The following SAMMSON variants were observed in gnomAD, a reference collection of about 807,000 sequenced individuals.
SAMMSON encodes the protein long intergenic non-protein coding RNA 1212.
At chr3:70,006,548 A>T (rs1298732304) in intron 1 of SAMMSON, among the ~76,000 whole-genome samples, 1 of 152,136 alleles carries the variant, frequency 6.6e-6, no homozygotes, top group Non-Finnish European at 1.5e-5. Context: ...AGTCCATGTG[A>T]TTTCTACCAC....
chr3:70,098,730 A>G (rs1306891812), intron 4 of SAMMSON, among the ~76,000 whole-genome samples: 2 of 152,208 alleles, frequency 1.3e-5, no homozygotes, highest in African/African-American at 2.4e-5. Flanking sequence ...AAAGGATAGT[A>G]CAATGTATTC....
At chr3:70,245,238 C>T (rs948800787) in intron 4 of SAMMSON, among the ~76,000 whole-genome samples, 1 of 151,816 alleles carries the variant, frequency 6.6e-6, no homozygotes, top group Admixed American at 6.6e-5. Flanking sequence ...AAAATTATTT[C>T]AAAAGAAGAT....
chr3:70,378,459 G>A (rs1166212641), intron 9 of SAMMSON, among the ~76,000 whole-genome samples: 2 of 152,026 alleles, frequency 1.3e-5, no homozygotes, highest in African/African-American at 4.8e-5. Flanking sequence ...AGAAGGATGA[G>A]GAAGGGTAAA....
At chr3:70,140,355 A>T (rs1295187066) in intron 4 of SAMMSON, 2 of 216,546 alleles carry the variant, frequency 9.2e-6, no homozygotes, top group Non-Finnish European at 2.0e-5. Context: ...TGTAAAGGCC[A>T]GGAGTGGCTA....
intron 4 of SAMMSON, among the ~76,000 whole-genome samples, chr3:70,153,757 A>G (rs1286917036): frequency 3.3e-5 from 5 of 151,982 alleles, no homozygotes; most frequent in African/African-American, 9.7e-5. Context: ...GTGGCATTCA[A>G]TGCATTCACA....
At chr3:70,381,818 A>G (rs904677922) in intron 9 of SAMMSON, among the ~76,000 whole-genome samples, 4 of 150,322 alleles carry the variant, frequency 2.7e-5, no homozygotes, top group African/African-American at 9.7e-5. Context: ...AACAGACAGG[A>G]AAAAAAGGAG....
At chr3:70,308,321 T>C (rs1005974001) in intron 7 of SAMMSON, among the ~76,000 whole-genome samples, 5 of 152,078 alleles carry the variant, frequency 3.3e-5, no homozygotes, top group African/African-American at 1.2e-4. Flanking sequence ...TCTCCAAAAG[T>C]GCTGAGATTA....
chr3:70,287,840 T>C (rs1346552490), intron 6 of SAMMSON, among the ~76,000 whole-genome samples: 3 of 151,678 alleles, frequency 2.0e-5, no homozygotes, highest in Non-Finnish European at 4.4e-5. Context: ...TCTAGTTTAT[T>C]TGCGTAGAGG....
chr3:70,330,946 G>A (rs1031244970), intron 7 of SAMMSON, among the ~76,000 whole-genome samples: 3 of 152,000 alleles, frequency 2.0e-5, no homozygotes, highest in African/African-American at 7.2e-5. Flanking sequence ...GAAAGGAGAA[G>A]GCAATTACTT....
intron 6 of SAMMSON, among the ~76,000 whole-genome samples, chr3:70,290,659 C>T (rs1702227230): frequency 6.6e-6 from 1 of 152,190 alleles, no homozygotes; most frequent in African/African-American, 2.4e-5. Context: ...CTCCCCTAGC[C>T]TCGCTGCCGC....
intron 4 of SAMMSON, among the ~76,000 whole-genome samples, chr3:70,156,286 T>C (rs2067591564): frequency 6.6e-6 from 1 of 152,092 alleles, no homozygotes; most frequent in South Asian, 2.1e-4. Flanking sequence ...TGAATTTTGA[T>C]CCCAAATCAC....
At chr3:70,192,072 A>G (rs555381974) in intron 4 of SAMMSON, among the ~76,000 whole-genome samples, 1 of 152,116 alleles carries the variant, frequency 6.6e-6, no homozygotes, top group Non-Finnish European at 1.5e-5. Context: ...ACTATATACT[A>G]AGAGTGTAAG....
At chr3:70,075,239 T>C (rs1223221864) in intron 4 of SAMMSON, 1 of 152,126 alleles carries the variant, frequency 6.6e-6, no homozygotes, top group African/African-American at 2.4e-5. Flanking sequence ...TAAAGAATCT[T>C]GCTTTTCTCA....
At chr3:70,116,177 T>C (rs1263804182) in intron 4 of SAMMSON, among the ~76,000 whole-genome samples, 1 of 151,934 alleles carries the variant, frequency 6.6e-6, no homozygotes, top group African/African-American at 2.4e-5. Flanking sequence ...AGCAGGGAGA[T>C]ATAAAGAATC....
At chr3:70,280,297 C>A (rs187183043) in intron 6 of SAMMSON, among the ~76,000 whole-genome samples, 1 of 152,116 alleles carries the variant, frequency 6.6e-6, no homozygotes, top group Non-Finnish European at 1.5e-5. Context: ...AATCTCTCCA[C>A]GTCAGGATCC....
chr3:70,224,164 A>G (rs1206116271), intron 4 of SAMMSON, among the ~76,000 whole-genome samples: 1 of 152,108 alleles, frequency 6.6e-6, no homozygotes, highest in African/African-American at 2.4e-5. Context: ...ATGAAACTGG[A>G]TTCGTAGACT....
chr3:70,406,008 C>G (rs952740437), intron 2 of SAMMSON, among the ~76,000 whole-genome samples: 3 of 152,066 alleles, frequency 2.0e-5, no homozygotes, highest in African/African-American at 7.2e-5. Context: ...TATTTAGTAA[C>G]AATGTATTGC....
In SAMMSON at chr3:70,219,482, T is replaced by A. The variant is rs1576159612; in HGVS notation, n.508-29625T>A. 2.6e-5 allele frequency among the ~76,000 whole-genome samples: 4 copies of A among 152,266 alleles called. No individual in the cohort carries two copies. In the South Asian group the frequency reaches 8.3e-4, roughly 32 times the overall value. On this transcript the variant is annotated intron_variant and non_coding_transcript_variant, in intron 4 of 9. Transcript: ENST00000642114. ...CTGATCCAGAAATAATTTGTTACCA[T>A]AAACAGAAGAAATTTTTCAAAAATT...
intron 9 of SAMMSON, among the ~76,000 whole-genome samples, chr3:70,362,353 A>AG (rs1003590882): frequency 8.5e-5 from 13 of 152,156 alleles, no homozygotes; most frequent in Non-Finnish European, 1.5e-5. Flanking sequence ...TGGGAAAACT[A>AG]GAAGTAGTAG....
Sources: gnomAD v4.1 joint callset for allele counts (sites outside exome capture counted in the v4.1 genomes callset) on GRCh38, gnomAD v4.1.1 for gene constraint, MANE v1.5 for transcripts, NCBI Gene and HGNC (gene_info 2026-07-23, HGNC 2026-07-21) for gene names.